Variants in PCNX1 observed in about 807,000 individuals in gnomAD.
PCNX1 encodes the protein pecanex-like protein 1.
PCNX1 carries 78 observed loss-of-function variants against 242.2 expected under a neutral mutation model. The ratio of observed to expected loss-of-function variants is 0.32; its 90% confidence interval spans 0.27 to 0.39. The LOEUF is 0.39. Ranked by LOEUF, PCNX1 falls within the 10% of genes least tolerant of loss-of-function variation. The pLI, the probability that PCNX1 is intolerant of heterozygous loss-of-function variation, is 1.00. For missense variants in PCNX1, 2,581 were observed against 2,856.5 expected, an observed-to-expected ratio of 0.90 and a Z score of 2.20; for synonymous variants, 1,024 against 1,032.9, an observed-to-expected ratio of 0.99 and a Z score of 0.17.
At chr14:71,041,539 C>T (rs768400289) in intron 19 of PCNX1, among the ~76,000 whole-genome samples, 4 of 152,010 alleles carry the variant, frequency 2.6e-5, no homozygotes, top group Non-Finnish European at 4.4e-5. Flanking sequence ...CGCTATTAAT[C>T]GTAATATCTC....
chr14:71,042,599 G>C (rs1249454680), intron 19 of PCNX1, among the ~76,000 whole-genome samples: 1 of 151,256 alleles, frequency 6.6e-6, no homozygotes, highest in Non-Finnish European at 1.5e-5. Flanking sequence ...CATATAATTG[G>C]CTGTTTTTAA....
Position 71,019,761 on chromosome 14 carries a change from G to GT in PCNX1, c.3150+607dup, listed in dbSNP as rs558459354. ...ATTCTTTTTTTTTTTAATAGTAGTA[G>GT]TTTTTTTTATTATTATACTTTAAGT... On this transcript the variant is annotated intron_variant, in intron 12 of 35. Coordinates refer to ENST00000304743, the MANE Select transcript of PCNX1 (RefSeq NM_014982.3). Among the ~76,000 whole-genome samples the GT allele has an allele frequency of 5.4e-4, 82 of 151,408 alleles. 1 individual carries two copies. In the South Asian group the frequency reaches 0.016, roughly 29 times the overall value.
intron 1 of PCNX1, among the ~76,000 whole-genome samples, chr14:70,934,482 A>G (rs750516851): frequency 4.6e-5 from 7 of 152,158 alleles, no homozygotes; most frequent in Non-Finnish European, 1.0e-4. Context: ...GGGTCTCACT[A>G]TGTTGCCTAG....
chr14:70,919,602 C>T (rs1275151702), intron 1 of PCNX1, among the ~76,000 whole-genome samples: 1 of 146,016 alleles, frequency 6.8e-6, no homozygotes, highest in Non-Finnish European at 1.5e-5. Context: ...TTGCTGTTGA[C>T]TTCTTTAGCA....
chr14:70,932,405 T>C (rs2056836107), intron 1 of PCNX1, among the ~76,000 whole-genome samples: 1 of 152,074 alleles, frequency 6.6e-6, no homozygotes, highest in South Asian at 2.1e-4. Flanking sequence ...GTTTTATTTT[T>C]ACTTTCTATG....
intron 30 of PCNX1, among the ~76,000 whole-genome samples, chr14:71,101,594 G>T (rs2062462602): frequency 6.6e-6 from 1 of 152,024 alleles, no homozygotes; most frequent in African/African-American, 2.4e-5. Flanking sequence ...AAAGTATCTA[G>T]TTAAGAAGAA....
At chr14:70,940,713 G>T (rs988424856) in intron 1 of PCNX1, among the ~76,000 whole-genome samples, 1 of 152,214 alleles carries the variant, frequency 6.6e-6, no homozygotes, top group African/African-American at 2.4e-5. Context: ...ATAATATCCT[G>T]AAGAGTGTCT....
At chr14:71,029,778 C>T (rs900023567) in intron 16 of PCNX1, among the ~76,000 whole-genome samples, 2 of 152,146 alleles carry the variant, frequency 1.3e-5, no homozygotes, top group Admixed American at 6.5e-5. Context: ...TTAGGAATTT[C>T]TGGAGGTTTG....
At chr14:71,048,203 CATA>C (rs1233216514) in intron 22 of PCNX1, among the ~76,000 whole-genome samples, 1 of 152,060 alleles carries the variant, frequency 6.6e-6, no homozygotes, top group Non-Finnish European at 1.5e-5. Flanking sequence ...GATAAAGTTA[CATA>C]AAACAATTAG....
At chr14:70,934,851 A>C (rs1465142841) in intron 1 of PCNX1, among the ~76,000 whole-genome samples, 3 of 152,218 alleles carry the variant, frequency 2.0e-5, no homozygotes, top group African/African-American at 7.2e-5. Context: ...GTTGCATGAC[A>C]ATGTGAATCA....
At position 70,959,144 on chromosome 14, in the gene PCNX1, G is replaced by GA. The variant is rs200038411; in HGVS notation, c.363-3080dup. ...TTATTCTAAGAGTTGTCTTCCTGAGGAACCTTATGTAGCATTTTCTAAGTT... is the reference window on the plus strand; with the variant it reads ...TTATTCTAAGAGTTGTCTTCCTGAGGAAACCTTATGTAGCATTTTCTAAGTT... On this transcript the variant is annotated intron_variant, in intron 2 of 35. Coordinates refer to ENST00000304743, the MANE Select transcript of PCNX1 (RefSeq NM_014982.3). 8.6e-3 allele frequency among the ~76,000 whole-genome samples: 1,296 copies of GA among 151,314 alleles called. 25 individuals carry two copies. The highest frequency in any genetic ancestry group is 0.03 in the African/African-American group (1,222 of 41,258).
intron 30 of PCNX1, among the ~76,000 whole-genome samples, chr14:71,098,776 C>A (rs943647514): frequency 3.9e-5 from 6 of 151,900 alleles, no homozygotes; most frequent in African/African-American, 1.5e-4. Flanking sequence ...ACTTCTTTTC[C>A]GATTTGGATG....
Position 71,013,066 on chromosome 14 carries a change from C to T in PCNX1, c.2860C>T (p.Pro954Ser), listed in dbSNP as rs772180475. 12 of 1,613,980 alleles carry T rather than the reference C, an allele frequency of 7.4e-6. No individual in the cohort carries two copies. Among genetic ancestry groups the T allele is most frequent in the East Asian group, 2.2e-5 (1 of 44,880 alleles). ...GGAGCAACAGGACATTGATCTAAGC[C>T]CTGACTTGGCAGCTACTTACGGCCC... ...LLEQQDIDLS[P>S]DLAATYGPTE... Residue 954 changes from proline to serine, a missense_variant, in exon 11 of 36, where the codon CCT becomes TCT. Transcript: ENST00000304743.
At chr14:70,951,083 T>C (rs192255925) in intron 2 of PCNX1, among the ~76,000 whole-genome samples, 1 of 152,084 alleles carries the variant, frequency 6.6e-6, no homozygotes, top group East Asian at 1.9e-4. Context: ...TCTTAAATTG[T>C]TGTCAGTTTG....
At chr14:71,094,242 A>G (rs1343593364) in intron 30 of PCNX1, among the ~76,000 whole-genome samples, 2 of 152,258 alleles carry the variant, frequency 1.3e-5, no homozygotes, top group African/African-American at 2.4e-5. Context: ...CTCAGCAATA[A>G]AAAGAAACTG....
At chr14:71,016,694 ACCATAT>A (rs1355720663) in intron 11 of PCNX1, among the ~76,000 whole-genome samples, 1 of 152,210 alleles carries the variant, frequency 6.6e-6, no homozygotes, top group Non-Finnish European at 1.5e-5. Flanking sequence ...GTGAAAACAC[ACCATAT>A]CTGAATTTTG....
intron 26 of PCNX1, among the ~76,000 whole-genome samples, chr14:71,064,761 C>T (rs1033829142): frequency 1.3e-5 from 2 of 152,140 alleles, no homozygotes; most frequent in Admixed American, 1.3e-4. Context: ...AATGCTATCC[C>T]TCCCCTGGCC....
Position 71,115,270 on chromosome 14 carries a change from AGTT to A in PCNX1, c.*5339_*5341del, listed in dbSNP as rs1240811987. ...ATTCTGAACAGCTTGTAAATATTGT[AGTT>A]GTTTAAAATGGAAAATAAAAGCTGA... On this transcript the variant is annotated 3_prime_UTR_variant, in exon 36 of 36. Coordinates refer to ENST00000304743, the MANE Select transcript of PCNX1 (RefSeq NM_014982.3). 7.2e-5 allele frequency: 11 copies of A among 152,640 alleles called. No homozygotes were observed. Among genetic ancestry groups the A allele is most frequent in the Non-Finnish European group, 1.3e-4 (9 of 68,032 alleles). 9.5% of individuals were successfully genotyped at this position (152,640 alleles called of 1,614,324 possible).
intron 1 of PCNX1, among the ~76,000 whole-genome samples, chr14:70,939,295 T>G (rs1267311104): frequency 1.3e-5 from 2 of 152,258 alleles, no homozygotes; most frequent in Non-Finnish European, 2.9e-5. Context: ...CTCTACACAC[T>G]GCTTTAAATG....
Sources: gnomAD v4.1 joint callset for allele counts (sites outside exome capture counted in the v4.1 genomes callset) on GRCh38, gnomAD v4.1.1 for gene constraint, MANE v1.5 for transcripts, NCBI Gene and HGNC (gene_info 2026-07-23, HGNC 2026-07-21) for gene names.